BTBD10: variants seen among roughly 807,000 people sequenced by gnomAD.
The protein encoded by BTBD10 is BTB domain containing 10.
In BTBD10, 21 loss-of-function variants were observed where a neutral mutation model predicts 53.2. The ratio of observed to expected loss-of-function variants is 0.39; its 90% CI spans 0.28 to 0.57. The LOEUF is 0.57. BTBD10 is among the 20% of genes least tolerant of loss of function. BTBD10 has a pLI of 0.53. For missense variants in BTBD10, 360 were observed against 594.7 expected (o/e 0.61, Z 4.10); for synonymous variants, 149 against 192.7 (o/e 0.77, Z 1.88).
chr11:13,457,971 T>C (rs1410104565), intron 1 of BTBD10, among the ~76,000 whole-genome samples: 1 of 152,020 alleles, frequency 6.6e-6, no homozygotes, highest in Non-Finnish European at 1.5e-5. Flanking sequence ...TTATAGGAAA[T>C]TTTTCAAACT....
intron 8 of BTBD10, among the ~76,000 whole-genome samples, chr11:13,401,348 T>G (rs146453357): frequency 3.3e-5 from 5 of 152,216 alleles, no homozygotes; most frequent in African/African-American, 1.2e-4. Context: ...ATATAGCTTT[T>G]CCATAAATCA....
At chr11:13,434,934 G>C (rs1360221104) in intron 2 of BTBD10, among the ~76,000 whole-genome samples, 1 of 152,180 alleles carries the variant, frequency 6.6e-6, no homozygotes, top group Non-Finnish European at 1.5e-5. Flanking sequence ...TGAGCAACTG[G>C]AAGAATGGAA....
intron 8 of BTBD10, among the ~76,000 whole-genome samples, chr11:13,393,849 C>G (rs1949467562): frequency 6.6e-6 from 1 of 152,050 alleles, no homozygotes; most frequent in African/African-American, 2.4e-5. Flanking sequence ...GATTCAAGAC[C>G]TGGCTCTGCT....
At position 13,421,664 on chromosome 11, in the gene BTBD10, A is replaced by G; in HGVS notation, c.276T>C (p.Ser92=). 1 of 1,613,726 alleles carries G rather than the reference A, an allele frequency of 6.2e-7. No homozygotes were observed. Among genetic ancestry groups the G allele is most frequent in the Non-Finnish European group, 8.5e-7 (1 of 1,179,902 alleles). The change falls in exon 3 of 9, where the codon TCT becomes TCC. Residue 92 remains serine (S), a synonymous_variant. Transcript: ENST00000278174. ...QLTPCIRNVT[S]PTRQHHVERE... Reference sequence around the variant, plus strand: ...TACCAACATGGTGCTGTCGTGTTGGAGAAGTCACATTTCTAATACAAGGAG... The same window carrying G: ...TACCAACATGGTGCTGTCGTGTTGGGGAAGTCACATTTCTAATACAAGGAG...
At chr11:13,418,732 G>A (rs555572302) in intron 4 of BTBD10, among the ~76,000 whole-genome samples, 8 of 152,046 alleles carry the variant, frequency 5.3e-5, no homozygotes, top group Non-Finnish European at 1.0e-4. Context: ...TTTATCTCAT[G>A]TAAACTTCTA....
chr11:13,436,140 C>G (rs1253026531), intron 2 of BTBD10, among the ~76,000 whole-genome samples: 1 of 152,138 alleles, frequency 6.6e-6, no homozygotes, highest in Non-Finnish European at 1.5e-5. Flanking sequence ...ATTGGCTGAC[C>G]TACTGCTAAT....
chr11:13,458,753 G>C (rs148306629), intron 1 of BTBD10, among the ~76,000 whole-genome samples: 1 of 152,128 alleles, frequency 6.6e-6, no homozygotes, highest in Non-Finnish European at 1.5e-5. Context: ...AGAATGTCTC[G>C]CAGTTAACCA....
At chr11:13,451,989 T>C (rs1489598867) in intron 1 of BTBD10, among the ~76,000 whole-genome samples, 1 of 151,810 alleles carries the variant, frequency 6.6e-6, no homozygotes, top group African/African-American at 2.4e-5. Context: ...ATGGGTACAA[T>C]GGCATATGGA....
intron 8 of BTBD10, among the ~76,000 whole-genome samples, chr11:13,400,023 G>C (rs537805471): frequency 6.6e-6 from 1 of 152,210 alleles, no homozygotes; most frequent in African/African-American, 2.4e-5. Flanking sequence ...CAGTCTGCCC[G>C]TTCTCAGATC....
intron 6 of BTBD10, among the ~76,000 whole-genome samples, chr11:13,407,924 C>T (rs1353691652): frequency 6.6e-6 from 1 of 152,168 alleles, no homozygotes; most frequent in African/African-American, 2.4e-5. Flanking sequence ...GGAGAGAGCA[C>T]ACATAGGTAT....
At chr11:13,434,144 A>G (rs751480676) in intron 2 of BTBD10, among the ~76,000 whole-genome samples, 4 of 152,196 alleles carry the variant, frequency 2.6e-5, no homozygotes, top group Non-Finnish European at 4.4e-5. Context: ...GCCTAAAAAT[A>G]GTTTTAATAC....
chr11:13,451,508 G>A (rs1259951261), intron 1 of BTBD10, among the ~76,000 whole-genome samples: 1 of 152,092 alleles, frequency 6.6e-6, no homozygotes, highest in African/African-American at 2.4e-5. Flanking sequence ...CCTTTGCCCT[G>A]ACCCCCAGGA....
intron 2 of BTBD10, chr11:13,440,081 A>G (rs1474793340): frequency 1.3e-6 from 2 of 1,525,444 alleles, no homozygotes; most frequent in Admixed American, 2.0e-5. Context: ...AAAATTCCCC[A>G]GTCTCCCCCT....
intron 2 of BTBD10, among the ~76,000 whole-genome samples, chr11:13,441,739 A>G (rs1238854031): frequency 1.3e-5 from 2 of 152,188 alleles, no homozygotes; most frequent in Non-Finnish European, 2.9e-5. Context: ...AATTTCAACA[A>G]GACAAAATTT....
At chr11:13,457,522 T>C (rs1042951139) in intron 1 of BTBD10, among the ~76,000 whole-genome samples, 1 of 152,202 alleles carries the variant, frequency 6.6e-6, no homozygotes, top group Admixed American at 6.5e-5. Context: ...GTACTACCTT[T>C]TGTAACATAA....
chr11:13,406,758 A>C (rs1436534000), intron 6 of BTBD10, among the ~76,000 whole-genome samples: 1 of 149,986 alleles, frequency 6.7e-6, no homozygotes, highest in Non-Finnish European at 1.5e-5. Context: ...TGTCTCTATA[A>C]TTATATATTA....
chr11:13,418,714 T>G (rs1357208208), intron 4 of BTBD10, among the ~76,000 whole-genome samples: 1 of 152,144 alleles, frequency 6.6e-6, no homozygotes, highest in African/African-American at 2.4e-5. Context: ...TCTAGTAAAG[T>G]ACAAGTTTTT....
chr11:13,391,195 A>G (rs188631464), intron 8 of BTBD10, among the ~76,000 whole-genome samples: 61 of 152,244 alleles, frequency 4.0e-4, no homozygotes, highest in African/African-American at 8.7e-4. Context: ...ATATCTACTT[A>G]CTGTCATCTA....
At chr11:13,394,198 A>G (rs1949476779) in intron 8 of BTBD10, among the ~76,000 whole-genome samples, 1 of 152,164 alleles carries the variant, frequency 6.6e-6, no homozygotes, top group Admixed American at 6.5e-5. Flanking sequence ...TCACCCACAG[A>G]TATGGTTTGG....
Sources: allele counts gnomAD v4.1 joint callset (sites outside exome capture counted in the v4.1 genomes callset), GRCh38; gene constraint gnomAD v4.1.1; transcripts MANE v1.5; gene names NCBI Gene and HGNC (gene_info 2026-07-23, HGNC 2026-07-21).